Variants in GABRR3 observed in about 807,000 individuals in gnomAD.
GABRR3 encodes gamma-aminobutyric acid type A receptor subunit rho3.
In GABRR3, 29 loss-of-function variants were observed where a neutral mutation model predicts 43.2. The ratio of observed to expected loss-of-function variants is 0.67; its 90% CI spans 0.50 to 0.92. The LOEUF is 0.92. GABRR3 is among the 40% of genes least tolerant of loss of function. The probability of loss-of-function intolerance (pLI) is 0.00; values close to 1 mark genes in which losing one functional copy is unlikely to be tolerated. For synonymous variants in GABRR3, 206 were observed against 195.9 expected (o/e 1.05, Z -0.43); for missense variants, 576 against 572.3 (o/e 1.01, Z -0.07).
intron 7 of GABRR3, among the ~76,000 whole-genome samples, chr3:98,007,518 C>T (rs1247284267): frequency 6.6e-6 from 1 of 152,182 alleles, no homozygotes; most frequent in African/African-American, 2.4e-5. Context: ...AGAGATTACT[C>T]TGTCTGCTGT....
rs1706758612 is a variant in GABRR3, at chr3:98,009,177, C to T, written c.531-139G>A. ...AATGCAAAACAGGCAGTATTATCTT[C>T]TGTCCAAATGACATGCAAGGAAGCA... On this transcript the variant is annotated intron_variant, in intron 5 of 9. Transcript: ENST00000621172. The T allele has an allele frequency of 7.0e-6, 4 of 567,776 alleles. No homozygotes were observed. The South Asian group carries it at 8.1e-5, about 11-fold the overall frequency. The allele number at this position is 567,776 out of a possible 1,614,324, so 35.2% of individuals were successfully genotyped here.
At chr3:97,986,970 A>T in exon 10 of GABRR3, 1 of 1,589,510 alleles carries the variant, frequency 6.3e-7, no homozygotes, top group Non-Finnish European at 8.5e-7. Flanking sequence ...TCAATATTGT[A>T]CATCCTAGAA....
chr3:98,018,603 T>C (rs1345211415), intron 3 of GABRR3, among the ~76,000 whole-genome samples: 1 of 152,140 alleles, frequency 6.6e-6, no homozygotes, highest in African/African-American at 2.4e-5. Flanking sequence ...AACATCAACA[T>C]TTAGTTTTGC....
chr3:98,012,623 C>T (rs1706808965), intron 4 of GABRR3, 56 bp from the exon 5 acceptor site: 2 of 1,182,320 alleles, frequency 1.7e-6, no homozygotes, highest in Admixed American at 1.8e-5. Context: ...TTCAGGATGA[C>T]CACTCAACAC....
At chr3:98,021,057 G>T (rs530033852) in intron 3 of GABRR3, among the ~76,000 whole-genome samples, 1 of 151,628 alleles carries the variant, frequency 6.6e-6, no homozygotes, top group East Asian at 1.9e-4. Context: ...TAGAGACTGG[G>T]TTTCATCATG....
At chr3:98,035,272 G>A (rs528915360) in exon 1 of GABRR3, 15 of 367,462 alleles carry the variant, frequency 4.1e-5, no homozygotes, top group Non-Finnish European at 7.1e-5. Context: ...TTCCGGGGAA[G>A]GTTTTTAGTG....
chr3:98,024,762 G>A (rs563596008), intron 3 of GABRR3, among the ~76,000 whole-genome samples: 7 of 152,316 alleles, frequency 4.6e-5, no homozygotes, highest in South Asian at 2.1e-4. Flanking sequence ...GAATCAGGAT[G>A]GATTTAGCTG....
At chr3:97,990,147 A>G (rs1467054612) in intron 9 of GABRR3, among the ~76,000 whole-genome samples, 2 of 152,186 alleles carry the variant, frequency 1.3e-5, no homozygotes, top group Non-Finnish European at 2.9e-5. Context: ...ACTACTCACA[A>G]TAAGAACTTC....
At chr3:98,025,878 A>C (rs72918442) in intron 2 of GABRR3, among the ~76,000 whole-genome samples, 199 bp from the exon 3 acceptor site, 4,820 of 152,294 alleles carry the variant, frequency 0.032, 264 homozygotes, top group African/African-American at 0.11. Flanking sequence ...AGGTAAACCA[A>C]ATTTTGGAGC....
At chr3:97,998,152 G>A (rs541381332) in intron 8 of GABRR3, 5 of 152,190 alleles carry the variant, frequency 3.3e-5, no homozygotes, top group African/African-American at 1.2e-4. Context: ...ACAGTGATAG[G>A]TTATAGGCAA....
At chr3:97,998,290 A>G (rs1706588680) in intron 8 of GABRR3, 1 of 152,196 alleles carries the variant, frequency 6.6e-6, no homozygotes, top group South Asian at 2.1e-4. Context: ...TTCAACATTC[A>G]GGATTATGGC....
rs1220437824 is a variant in GABRR3 at position 98,034,854 on chromosome 3, G to A, written c.125+9C>T. ...AGTAATTCCATGGACTGCACTATGAGCATCTTACCAGGTTTGTTTCATTGA... is the reference window on the plus strand; with the variant it reads ...AGTAATTCCATGGACTGCACTATGAACATCTTACCAGGTTTGTTTCATTGA... On this transcript the variant is annotated intron_variant, in intron 2 of 9. Transcript: ENST00000621172. 1 of 1,612,562 alleles carries A rather than the reference G, an allele frequency of 6.2e-7. No individual in the cohort carries two copies. The highest frequency in any genetic ancestry group is 2.2e-5 in the East Asian group (1 of 44,872).
chr3:97,994,889 G>A (rs191387635), intron 8 of GABRR3, among the ~76,000 whole-genome samples: 4 of 152,260 alleles, frequency 2.6e-5, no homozygotes, highest in Admixed American at 2.6e-4. Context: ...TTTTCAGTAT[G>A]CCAATGTCTT....
At chr3:97,987,857 G>C (rs946683847) in intron 9 of GABRR3, among the ~76,000 whole-genome samples, 16 of 152,132 alleles carry the variant, frequency 1.1e-4, no homozygotes, top group African/African-American at 3.6e-4. Context: ...GCTCACTGCA[G>C]CCTTGACCTC....
chr3:98,024,464 G>A (rs1015824325), intron 3 of GABRR3, among the ~76,000 whole-genome samples: 7 of 150,962 alleles, frequency 4.6e-5, no homozygotes, highest in Non-Finnish European at 8.8e-5. Context: ...AATCCTCAAC[G>A]TGAGAATATT....
downstream of GABRR3, chr3:97,986,655 T>A: frequency 7.1e-7 from 1 of 1,412,702 alleles, no homozygotes; most frequent in South Asian, 1.4e-5. Flanking sequence ...CATCTGGCTT[T>A]AAAGTTGTAT....
At chr3:98,015,484 C>G (rs143373693) in intron 4 of GABRR3, among the ~76,000 whole-genome samples, 1 of 152,244 alleles carries the variant, frequency 6.6e-6, no homozygotes, top group East Asian at 1.9e-4. Flanking sequence ...GCATGAGCCA[C>G]TGCTCTTGGC....
At chr3:98,021,913 G>T (rs1706953431) in intron 3 of GABRR3, among the ~76,000 whole-genome samples, 1 of 152,158 alleles carries the variant, frequency 6.6e-6, no homozygotes, top group African/African-American at 2.4e-5. Flanking sequence ...AATTATAGCT[G>T]CTTTGTTAGC....
chr3:97,999,486 C>T (rs990844630), intron 8 of GABRR3: 1 of 152,068 alleles, frequency 6.6e-6, no homozygotes, highest in African/African-American at 2.4e-5. Flanking sequence ...AACATGCTTA[C>T]ATACGGACAG....
Sources: gnomAD v4.1 joint callset for allele counts (sites outside exome capture counted in the v4.1 genomes callset) on GRCh38, gnomAD v4.1.1 for gene constraint, MANE v1.5 for transcripts, NCBI Gene and HGNC (gene_info 2026-07-23, HGNC 2026-07-21) for gene names.